The following PDE4D variants were observed in gnomAD, a reference collection of about 807,000 sequenced individuals.
PDE4D encodes 3',5'-cyclic-AMP phosphodiesterase 4D.
A neutral mutation model predicts 87.4 loss-of-function variants in PDE4D; 24 were observed. The observed-to-expected ratio is 0.27, with a 90% CI of 0.20 to 0.39. The LOEUF is 0.39. Ranked by LOEUF, PDE4D falls within the 10% of genes least tolerant of loss-of-function variation. PDE4D has a pLI of 1.00. For synonymous variants in PDE4D, 384 were observed against 383.2 expected, an observed-to-expected ratio of 1.00 and a Z score of -0.02; for missense variants, 714 against 1,041.0, an observed-to-expected ratio of 0.69 and a Z score of 4.32.
rs368646585 is a variant in PDE4D at position 60,304,870 on chromosome 5, C to T, written c.-89-119183G>A. Among the ~76,000 whole-genome samples the T allele has an allele frequency of 9.9e-5, 15 of 151,890 alleles. No individual in the cohort carries two copies. The South Asian group carries it at 2.1e-3, about 21-fold the overall frequency. ...TAATTGAAATGGCAACTAAACCCAA[C>T]AATATTCATTAAACTGTAAACTGGA... On this transcript the variant is annotated intron_variant, in intron 1 of 16. Coordinates refer to the PDE4D transcript ENST00000502484.
intron 1 of PDE4D, among the ~76,000 whole-genome samples, chr5:60,339,527 G>A (rs1185721941): frequency 2.0e-5 from 3 of 151,988 alleles, no homozygotes; most frequent in Admixed American, 2.0e-4. Flanking sequence ...CAATATTTTC[G>A]GACACGGTTG....
At chr5:59,358,828 C>A (rs1360654695) in intron 1 of PDE4D, among the ~76,000 whole-genome samples, 9 of 152,070 alleles carry the variant, frequency 5.9e-5, no homozygotes, top group Admixed American at 5.9e-4. Context: ...CAACACAAAG[C>A]TCTCATTTTG....
At chr5:59,177,224 TAGA>T (rs1380286876) in intron 5 of PDE4D, among the ~76,000 whole-genome samples, 1 of 152,122 alleles carries the variant, frequency 6.6e-6, no homozygotes, top group Admixed American at 6.5e-5. Flanking sequence ...TGATGCAACC[TAGA>T]AGAAGACTCT....
At chr5:59,994,924 G>A (rs1366880916) in intron 2 of PDE4D, among the ~76,000 whole-genome samples, 1 of 152,040 alleles carries the variant, frequency 6.6e-6, no homozygotes, top group Non-Finnish European at 1.5e-5. Flanking sequence ...CTTGTGTCGG[G>A]TACTGAAAAT....
intron 1 of PDE4D, among the ~76,000 whole-genome samples, chr5:60,482,791 C>T (rs1431280605): frequency 6.6e-6 from 1 of 152,168 alleles, no homozygotes; most frequent in Non-Finnish European, 1.5e-5. Flanking sequence ...AATGGTACAA[C>T]TTTATTCCTT....
intron 2 of PDE4D, among the ~76,000 whole-genome samples, chr5:60,101,734 A>C (rs908870124): frequency 6.6e-6 from 1 of 152,152 alleles, no homozygotes; most frequent in Non-Finnish European, 1.5e-5. Context: ...GTCTCTAAAA[A>C]TGCTAATGGA....
chr5:59,587,613 G>C lies in PDE4D; in HGVS notation c.455+305555C>G, dbSNP rs546954086. 2,139 of 985,378 alleles carry C rather than the reference G, an allele frequency of 2.2e-3. 5 individuals are homozygous for C. The highest frequency in any genetic ancestry group is 0.015 in the Middle Eastern group (29 of 1,914). The allele number at this position is 985,378 out of a possible 1,614,324, so 61.0% of individuals were successfully genotyped here. A position where few individuals can be genotyped will look rare whatever the true frequency, so the allele number is the denominator to read the frequency against. On this transcript the variant is annotated intron_variant, in intron 1 of 14. Transcript: ENST00000340635. ...GGACACTTGCAGGCTCCGTGGTACT[G>C]TACATTAACTCTGCAGCAGCCTGGC...
intron 2 of PDE4D, among the ~76,000 whole-genome samples, chr5:60,090,414 T>C (rs1172161402): frequency 6.6e-6 from 1 of 152,114 alleles, no homozygotes; most frequent in East Asian, 1.9e-4. Flanking sequence ...ATCAACAGAA[T>C]GAAGGACAAA....
In PDE4D at chr5:59,839,711, C is replaced by G. The variant is rs530800894; in HGVS notation, c.455+53457G>C. Among the ~76,000 whole-genome samples the G allele has an allele frequency of 2.0e-5, 3 of 152,120 alleles. No homozygotes were observed. The South Asian group carries it at 6.2e-4, about 32-fold the overall frequency. ...GGCATCACATCCACCTACTCTCTCT[C>G]TTTGTGCAAGTAATATTCATGCATG... On this transcript the variant is annotated intron_variant, in intron 1 of 14. Coordinates refer to ENST00000340635, the MANE Select transcript of PDE4D (RefSeq NM_001104631.2).
At chr5:59,582,233 A>G (rs957984668) in intron 1 of PDE4D, among the ~76,000 whole-genome samples, 1 of 152,198 alleles carries the variant, frequency 6.6e-6, no homozygotes, top group Non-Finnish European at 1.5e-5. Flanking sequence ...ATTATCTTAC[A>G]TGAGACTTGA....
chr5:60,184,996 CTGTGGT>C (rs1784668306), intron 2 of PDE4D, among the ~76,000 whole-genome samples: 1 of 152,078 alleles, frequency 6.6e-6, no homozygotes, highest in East Asian at 1.9e-4. Context: ...AGTATCATGA[CTGTGGT>C]ACCTTAAGAA....
chr5:59,337,751 TCTA>T (rs1178558689), intron 1 of PDE4D, among the ~76,000 whole-genome samples: 3 of 152,186 alleles, frequency 2.0e-5, no homozygotes, highest in African/African-American at 7.2e-5. Flanking sequence ...AGAACACAGT[TCTA>T]CTAGAACATC....
At chr5:60,008,400 A>T (rs1402687105) in intron 2 of PDE4D, among the ~76,000 whole-genome samples, 2 of 152,054 alleles carry the variant, frequency 1.3e-5, no homozygotes, top group Non-Finnish European at 2.9e-5. Flanking sequence ...ATTTTGAAAC[A>T]TCTGCCGCAA....
chr5:60,043,094 G>T (rs1283940370), intron 2 of PDE4D, among the ~76,000 whole-genome samples: 1 of 149,490 alleles, frequency 6.7e-6, no homozygotes, highest in African/African-American at 2.4e-5. Context: ...GTTTAGAGAA[G>T]AATATAAACG....
chr5:59,677,135 TA>T (rs534510491), intron 1 of PDE4D, among the ~76,000 whole-genome samples: 331 of 152,230 alleles, frequency 2.2e-3, no homozygotes, highest in African/African-American at 7.5e-3. Flanking sequence ...TCTTTTTTTT[TA>T]ATCAGTTGCT....
intron 1 of PDE4D, among the ~76,000 whole-genome samples, chr5:59,732,411 C>CACACACACACACACACAT (rs1400868579): frequency 6.6e-6 from 1 of 151,878 alleles, no homozygotes; most frequent in African/African-American, 2.4e-5. Flanking sequence ...CACACACACA[C>CACACACACACACACACAT]ACACACACAC....
At chr5:60,435,824 G>T (rs1744715854) in intron 1 of PDE4D, among the ~76,000 whole-genome samples, 1 of 152,028 alleles carries the variant, frequency 6.6e-6, no homozygotes, top group Non-Finnish European at 1.5e-5. Flanking sequence ...CTGAATAAAT[G>T]AGAGAATCAT....
chr5:59,945,789 T>C (rs1445045873), intron 3 of PDE4D, among the ~76,000 whole-genome samples: 3 of 152,198 alleles, frequency 2.0e-5, no homozygotes, highest in Non-Finnish European at 1.5e-5. Context: ...ATAAATAATT[T>C]TGAGTCTCTG....
chr5:59,076,283 C>T (rs981763767), intron 5 of PDE4D, among the ~76,000 whole-genome samples: 22 of 152,154 alleles, frequency 1.4e-4, no homozygotes, highest in African/African-American at 5.1e-4. Flanking sequence ...AAACTTACTC[C>T]CATTAGTACA....
Sources: allele counts gnomAD v4.1 joint callset (sites outside exome capture counted in the v4.1 genomes callset), GRCh38; gene constraint gnomAD v4.1.1; transcripts MANE v1.5; gene names NCBI Gene and HGNC (gene_info 2026-07-23, HGNC 2026-07-21).